Variants in TENM2 observed in about 807,000 individuals in gnomAD.
The protein encoded by TENM2 is teneurin-2.
In TENM2, 52 loss-of-function variants were observed where a neutral mutation model predicts 245.2. The observed-to-expected ratio is 0.21, with a 90% confidence interval of 0.17 to 0.27. TENM2 has a LOEUF of 0.27. Ranked by LOEUF, TENM2 falls within the 10% of genes least tolerant of loss-of-function variation. The pLI is 1.00. For synonymous variants in TENM2, 1,363 were observed against 1,438.9 expected (o/e 0.95, Z 1.19); for missense variants, 3,046 against 3,666.8 (o/e 0.83, Z 4.37).
chr5:167,324,478 G>A (rs527587501), intron 1 of TENM2, among the ~76,000 whole-genome samples: 8 of 151,710 alleles, frequency 5.3e-5, no homozygotes, highest in African/African-American at 1.2e-4. Flanking sequence ...GCAAATACTC[G>A]GGGACATGAG....
intron 2 of TENM2, among the ~76,000 whole-genome samples, chr5:167,599,655 A>C (rs1776471263): frequency 6.6e-6 from 1 of 152,114 alleles, no homozygotes; most frequent in African/African-American, 2.4e-5. Context: ...AGCTGGTATG[A>C]CCTGAAGTGG....
At chr5:168,162,560 C>G (rs1295407029) in intron 12 of TENM2, 51 bp from the exon 15 acceptor site, 2 of 1,593,334 alleles carry the variant, frequency 1.3e-6, no homozygotes, top group African/African-American at 1.3e-5. Context: ...CCCTGCTTCC[C>G]CAGCGCGGCC....
intron 8 of TENM2, among the ~76,000 whole-genome samples, chr5:168,095,166 G>A (rs890642710): frequency 5.9e-5 from 9 of 152,058 alleles, no homozygotes; most frequent in Admixed American, 1.3e-4. Context: ...GAATCATTCC[G>A]AAACCATCCC....
intron 2 of TENM2, among the ~76,000 whole-genome samples, chr5:167,783,597 C>T (rs1253036478): frequency 1.3e-5 from 2 of 152,224 alleles, no homozygotes; most frequent in African/African-American, 4.8e-5. Flanking sequence ...GATGCCAAAG[C>T]AGCTCCTCTG....
chr5:167,122,041 A>G, the TENM2 span, among the ~76,000 whole-genome samples: 1 of 152,216 alleles, frequency 6.6e-6, no homozygotes, highest in Non-Finnish European at 1.5e-5. Context: ...CCAGATGGAT[A>G]AAATGAGGCA....
the TENM2 span, among the ~76,000 whole-genome samples, chr5:167,110,819 C>A: frequency 6.6e-6 from 1 of 152,188 alleles, no homozygotes; most frequent in Middle Eastern, 3.2e-3. Context: ...GAAGAGACAT[C>A]TACATAATGG....
At chr5:167,095,857 G>A in the TENM2 span, among the ~76,000 whole-genome samples, 1 of 147,140 alleles carries the variant, frequency 6.8e-6, no homozygotes, top group Admixed American at 6.9e-5. Flanking sequence ...TGCAACCTTC[G>A]CCTCCTGGGT....
intron 4 of TENM2, among the ~76,000 whole-genome samples, chr5:167,971,719 A>C (rs2151925357): frequency 6.6e-6 from 1 of 151,560 alleles, no homozygotes; most frequent in East Asian, 1.9e-4. Flanking sequence ...AAACAAACAA[A>C]ACAAAACAAA....
intron 2 of TENM2, among the ~76,000 whole-genome samples, chr5:167,517,788 G>A (rs1472999114): frequency 6.6e-6 from 1 of 152,110 alleles, no homozygotes; most frequent in Non-Finnish European, 1.5e-5. Context: ...ATTCAACCTA[G>A]CAGTCAACTG....
intron 2 of TENM2, among the ~76,000 whole-genome samples, chr5:167,875,372 G>A (rs1199951160): frequency 3.3e-5 from 5 of 152,118 alleles, no homozygotes. Context: ...GACCATATTG[G>A]CTAGAGAATA....
Position 168,218,687 on chromosome 5 carries a change from A to G in TENM2, c.4796A>G (p.Asp1599Gly), listed in dbSNP as rs1358859486. The G allele has an allele frequency of 2.5e-6, 4 of 1,613,914 alleles. No individual in the cohort carries two copies. The African/African-American group carries it at 4.0e-5, about 16-fold the overall frequency. ...CAGGAGTTATATGTTTTCAACGCTG[A>G]TGGCATCCACCAATACACTGTGAGC... The change falls in exon 23 of 29, where the codon GAT (aspartate) becomes GGT (glycine). Residue 1599 changes from aspartate to glycine, a missense_variant. By Grantham distance (94) the Asp-to-Gly change is moderately conservative. Around this residue, in one of 2 missense-constraint regions of TENM2, gnomAD observed 2,704 missense variants for 3,331.9 expected, o/e 0.81. Transcript: ENST00000518659. This position sits in a 1 kb window ranked among gnomAD's most constrained non-coding sequence, Gnocchi z 5.2.
At chr5:167,959,422 T>G (rs1033549529) in intron 4 of TENM2, among the ~76,000 whole-genome samples, 1 of 152,106 alleles carries the variant, frequency 6.6e-6, no homozygotes. Context: ...GTCTTGATCT[T>G]GTGTTCATGC....
chr5:167,847,904 G>C (rs769029594), intron 2 of TENM2, among the ~76,000 whole-genome samples: 6 of 152,078 alleles, frequency 3.9e-5, no homozygotes, highest in Non-Finnish European at 8.8e-5. Context: ...ACTACTAACA[G>C]TTTTATTTTT....
At chr5:167,355,110 G>T (rs1177895401) in intron 1 of TENM2, among the ~76,000 whole-genome samples, 1 of 151,938 alleles carries the variant, frequency 6.6e-6, no homozygotes, top group African/African-American at 2.4e-5. Flanking sequence ...CAGATTTTCT[G>T]TCTGTTTCCG....
At chr5:167,691,109 C>A (rs1757407985) in intron 2 of TENM2, among the ~76,000 whole-genome samples, 1 of 152,110 alleles carries the variant, frequency 6.6e-6, no homozygotes, top group African/African-American at 2.4e-5. Flanking sequence ...AGTTGTTTGA[C>A]ACTTTGTCAC....
the TENM2 span, among the ~76,000 whole-genome samples, chr5:167,234,794 A>C: frequency 6.6e-6 from 1 of 152,232 alleles, no homozygotes; most frequent in African/African-American, 2.4e-5. Flanking sequence ...GATGGAACAG[A>C]GAATGAAACA....
chr5:167,377,265 G>A (rs542775091), intron 2 of TENM2, among the ~76,000 whole-genome samples: 3 of 152,088 alleles, frequency 2.0e-5, no homozygotes, highest in South Asian at 2.1e-4. Flanking sequence ...TACTTTCTGC[G>A]AGTCTATGTA....
chr5:168,197,941 T>A (rs1761594239), intron 15 of TENM2, among the ~76,000 whole-genome samples: 2 of 152,162 alleles, frequency 1.3e-5, no homozygotes, highest in Admixed American at 1.3e-4. Flanking sequence ...TGTAATGAGC[T>A]CCTCTCTGTG....
At chr5:168,064,249 A>G (rs1790300930) in intron 7 of TENM2, among the ~76,000 whole-genome samples, 1 of 152,176 alleles carries the variant, frequency 6.6e-6, no homozygotes, top group Non-Finnish European at 1.5e-5. Context: ...TCTTGTAGCA[A>G]AATGAAGGAT....
Sources: gnomAD v4.1 joint callset for allele counts (sites outside exome capture counted in the v4.1 genomes callset) on GRCh38, gnomAD v4.1.1 for gene constraint, gnomAD v4.1.1 regional missense constraint, Gnocchi (gnomAD v3.1) non-coding constraint, MANE v1.5 for transcripts, NCBI Gene and HGNC (gene_info 2026-07-23, HGNC 2026-07-21) for gene names.